Variants in HCN1 observed in about 807,000 individuals in gnomAD.
The protein encoded by HCN1 is hyperpolarization activated cyclic nucleotide gated potassium channel 1, also known as potassium/sodium hyperpolarization-activated cyclic nucleotide-gated channel 1.
Under a neutral mutation model 78.9 loss-of-function variants are expected in HCN1, and 13 were observed. That is an observed-to-expected ratio of 0.16 (90% CI 0.11 to 0.26). The LOEUF (loss-of-function observed/expected upper bound fraction) is 0.26, where lower values mean the gene tolerates loss of function less well. HCN1 is among the 10% of genes least tolerant of loss of function. The probability of loss-of-function intolerance (pLI) is 1.00; values close to 1 mark genes in which losing one functional copy is unlikely to be tolerated. For missense variants in HCN1, 810 were observed against 1,154.3 expected (o/e 0.70, Z 4.32); for synonymous variants, 552 against 455.5 (o/e 1.21, Z -2.70).
intron 5 of HCN1, among the ~76,000 whole-genome samples, chr5:45,312,079 T>C (rs1016772296): frequency 1.3e-5 from 2 of 152,170 alleles, no homozygotes; most frequent in Non-Finnish European, 2.9e-5. Flanking sequence ...ATAGAAATGT[T>C]TATGTCAGAT....
chr5:45,609,057 TGAAAA>T (rs1184466449), intron 2 of HCN1, among the ~76,000 whole-genome samples: 1 of 151,968 alleles, frequency 6.6e-6, no homozygotes, highest in African/African-American at 2.4e-5. Flanking sequence ...GTGGCAAAAA[TGAAAA>T]GAAGACAGTA....
At chr5:45,483,890 C>T (rs1278196549) in intron 2 of HCN1, among the ~76,000 whole-genome samples, 2 of 152,068 alleles carry the variant, frequency 1.3e-5, no homozygotes, top group Non-Finnish European at 2.9e-5. Flanking sequence ...TTTCTCATTG[C>T]TTATTTTTGT....
chr5:45,315,219 G>C (rs543568274), intron 5 of HCN1, among the ~76,000 whole-genome samples: 20 of 152,028 alleles, frequency 1.3e-4, no homozygotes, highest in African/African-American at 4.8e-4. Context: ...ACTGTCTCTC[G>C]GACCACAGTG....
intron 6 of HCN1, among the ~76,000 whole-genome samples, chr5:45,291,164 C>T (rs1745365025): frequency 1.3e-5 from 2 of 152,074 alleles, no homozygotes; most frequent in East Asian, 3.9e-4. Flanking sequence ...CAGATCATTT[C>T]TTCTATTTCC....
At chr5:45,441,266 G>T (rs187376840) in intron 3 of HCN1, among the ~76,000 whole-genome samples, 114 of 152,090 alleles carry the variant, frequency 7.5e-4, no homozygotes, top group Middle Eastern at 3.4e-3. Flanking sequence ...ATGAGGAAAA[G>T]ACTTTGTTTT....
At position 45,695,655 on chromosome 5, in the gene HCN1, C is replaced by G; in HGVS notation, c.425+14G>C. The G allele has an allele frequency of 2.5e-6, 4 of 1,610,326 alleles. No homozygotes were observed. Among genetic ancestry groups the G allele is most frequent in the Non-Finnish European group, 3.4e-6 (4 of 1,178,660 alleles). ...GCCTGAAGGGAGGGTGGGGCGGCGA[C>G]CGGGAGCCCTCACCTGAAATCACTG... On this transcript the variant is annotated intron_variant, in intron 1 of 7. Transcript: ENST00000303230.
chr5:45,433,860 G>A (rs1351290450), intron 3 of HCN1, among the ~76,000 whole-genome samples: 2 of 152,166 alleles, frequency 1.3e-5, no homozygotes, highest in East Asian at 1.9e-4. Flanking sequence ...TGTATAGTAG[G>A]TGCTCAATCA....
chr5:45,664,053 C>G (rs1745979746), intron 1 of HCN1, among the ~76,000 whole-genome samples: 1 of 132,402 alleles, frequency 7.6e-6, no homozygotes, highest in Admixed American at 8.1e-5. Context: ...GACTTGGAAC[C>G]AACCCAAATG....
At chr5:45,294,537 ATTG>A (rs1353715597) in intron 6 of HCN1, among the ~76,000 whole-genome samples, 3 of 151,990 alleles carry the variant, frequency 2.0e-5, no homozygotes, top group Admixed American at 6.6e-5. Flanking sequence ...AAGATAAATG[ATTG>A]TTAAGAGGTG....
intron 6 of HCN1, among the ~76,000 whole-genome samples, chr5:45,275,335 C>T (rs1007911661): frequency 2.0e-5 from 3 of 151,932 alleles, no homozygotes; most frequent in African/African-American, 7.2e-5. Flanking sequence ...AAACAAGGTG[C>T]TCACATTTGA....
At chr5:45,340,215 C>T (rs1298269036) in intron 5 of HCN1, among the ~76,000 whole-genome samples, 1 of 152,168 alleles carries the variant, frequency 6.6e-6, no homozygotes, top group East Asian at 1.9e-4. Flanking sequence ...GCCACCATGT[C>T]CGGCTGGGAA....
chr5:45,535,497 C>T (rs549100622), intron 2 of HCN1, among the ~76,000 whole-genome samples: 2 of 152,094 alleles, frequency 1.3e-5, no homozygotes, highest in South Asian at 4.2e-4. Flanking sequence ...ACTTGGGTGG[C>T]TGAGGCAGGA....
intron 1 of HCN1, among the ~76,000 whole-genome samples, chr5:45,679,683 G>A (rs1739667176): frequency 6.6e-6 from 1 of 151,976 alleles, no homozygotes; most frequent in South Asian, 2.1e-4. Flanking sequence ...GGCTTTAATT[G>A]ATAAAAAATT....
chr5:45,598,232 A>G (rs1332532389), intron 2 of HCN1, among the ~76,000 whole-genome samples: 12 of 152,182 alleles, frequency 7.9e-5, no homozygotes, highest in Admixed American at 7.9e-4. Flanking sequence ...AGACCAATGG[A>G]ACACAACAGA....
At chr5:45,387,588 T>A (rs528083346) in intron 4 of HCN1, among the ~76,000 whole-genome samples, 1 of 152,198 alleles carries the variant, frequency 6.6e-6, no homozygotes, top group African/African-American at 2.4e-5. Flanking sequence ...TTCTAGATAA[T>A]GCATTCCAAC....
At chr5:45,456,312 T>C (rs551255906) in intron 3 of HCN1, among the ~76,000 whole-genome samples, 20 of 152,116 alleles carry the variant, frequency 1.3e-4, no homozygotes, top group African/African-American at 4.8e-4. Flanking sequence ...ACCACTTAAA[T>C]AGATAACTGA....
At chr5:45,286,395 C>G (rs1244735737) in intron 6 of HCN1, among the ~76,000 whole-genome samples, 1 of 151,900 alleles carries the variant, frequency 6.6e-6, no homozygotes, top group Non-Finnish European at 1.5e-5. Flanking sequence ...TCTGTAGTAA[C>G]AAGTATCCTG....
chr5:45,283,984 T>C (rs1745220919), intron 6 of HCN1, among the ~76,000 whole-genome samples: 2 of 152,110 alleles, frequency 1.3e-5, no homozygotes, highest in Admixed American at 1.3e-4. Context: ...AGATCCTGTC[T>C]TTTGTGGGAA....
At chr5:45,400,749 A>AT (rs1420438590) in intron 3 of HCN1, among the ~76,000 whole-genome samples, 1 of 151,954 alleles carries the variant, frequency 6.6e-6, no homozygotes, top group Admixed American at 6.6e-5. Context: ...CAACTTTTCT[A>AT]TTTTCCATTC....
Sources: allele counts gnomAD v4.1 joint callset (sites outside exome capture counted in the v4.1 genomes callset), GRCh38; gene constraint gnomAD v4.1.1; transcripts MANE v1.5; gene names NCBI Gene and HGNC (gene_info 2026-07-23, HGNC 2026-07-21).